Variants in STK39 observed in about 807,000 individuals in gnomAD.
STK39 encodes the protein STE20/SPS1-related proline-alanine-rich protein kinase.
STK39 carries 20 observed loss-of-function variants against 77.8 expected under a neutral mutation model. The ratio of observed to expected loss-of-function variants is 0.26; its 90% CI spans 0.18 to 0.37. STK39 has a LOEUF of 0.37. STK39 is among the 10% of genes least tolerant of loss of function. STK39 has a pLI of 1.00. For synonymous variants in STK39, 246 were observed against 234.1 expected (o/e 1.05, Z -0.47); for missense variants, 479 against 656.5 (o/e 0.73, Z 2.95).
At chr2:168,227,278 T>C (rs1254833553) in intron 1 of STK39, among the ~76,000 whole-genome samples, 1 of 152,218 alleles carries the variant, frequency 6.6e-6, no homozygotes, top group Non-Finnish European at 1.5e-5. Context: ...TGGGAGTTAT[T>C]TTCATCTACT....
chr2:168,189,918 A>G (rs1689297881), intron 1 of STK39, among the ~76,000 whole-genome samples: 1 of 152,198 alleles, frequency 6.6e-6, no homozygotes, highest in Admixed American at 6.5e-5. Context: ...ACCTTCTAAG[A>G]AAAAGATTAC....
intron 1 of STK39, among the ~76,000 whole-genome samples, chr2:168,238,603 G>C (rs1380780232): frequency 6.6e-6 from 1 of 152,144 alleles, no homozygotes; most frequent in Non-Finnish European, 1.5e-5. Flanking sequence ...AGCTAAGCCA[G>C]AGTTTATTCT....
At chr2:168,002,252 A>G (rs1010858729) in intron 16 of STK39, among the ~76,000 whole-genome samples, 1 of 152,234 alleles carries the variant, frequency 6.6e-6, no homozygotes, top group Non-Finnish European at 1.5e-5. Context: ...CAGGGCTTAC[A>G]GTGTGGTTTA....
At chr2:168,012,501 TA>T in intron 16 of STK39, 132 bp downstream of exon 16, 1 of 731,252 alleles carries the variant, frequency 1.4e-6, no homozygotes. Context: ...TACTTCTACA[TA>T]AAAGATAAGA....
intron 1 of STK39, among the ~76,000 whole-genome samples, chr2:168,231,726 T>A (rs1249870102): frequency 6.6e-6 from 1 of 152,044 alleles, no homozygotes; most frequent in Non-Finnish European, 1.5e-5. Context: ...TGTGCCAGAG[T>A]GCTCTGTGAA....
At chr2:167,975,516 T>C (rs1683249540) in intron 16 of STK39, among the ~76,000 whole-genome samples, 1 of 152,146 alleles carries the variant, frequency 6.6e-6, no homozygotes. Flanking sequence ...ATCCAAGTAG[T>C]GCAAAAGGTG....
At chr2:168,034,107 G>T (rs1025552759) in intron 14 of STK39, among the ~76,000 whole-genome samples, 1 of 152,206 alleles carries the variant, frequency 6.6e-6, no homozygotes, top group Non-Finnish European at 1.5e-5. Flanking sequence ...TACAGCAGCT[G>T]CTAACAATGA....
chr2:168,171,005 T>C (rs958446135), intron 2 of STK39, among the ~76,000 whole-genome samples: 2 of 152,308 alleles, frequency 1.3e-5, no homozygotes, highest in Non-Finnish European at 2.9e-5. Flanking sequence ...GCCAAAAATA[T>C]AGTCAAGGAA....
rs1447199904 is a variant in STK39, at chr2:168,153,807, T to C, written c.628+7980A>G. Among the ~76,000 whole-genome samples, 4 of 152,206 alleles carry C rather than the reference T, an allele frequency of 2.6e-5. No homozygotes were observed. In the East Asian group the frequency reaches 5.8e-4, roughly 22 times the overall value. ...AGGCCGATTTGACTGAAGAGGAAGA[T>C]GTAAGAGTTGAAATCAATGACATAA... On this transcript the variant is annotated intron_variant, in intron 5 of 17. Transcript: ENST00000355999.
At chr2:168,086,419 C>T (rs1206131496) in intron 10 of STK39, among the ~76,000 whole-genome samples, 1 of 152,184 alleles carries the variant, frequency 6.6e-6, no homozygotes, top group Non-Finnish European at 1.5e-5. Flanking sequence ...GTGGCAAGAG[C>T]TAAATATTGG....
chr2:168,075,891 T>C (rs1013533215), intron 10 of STK39, among the ~76,000 whole-genome samples: 1 of 152,178 alleles, frequency 6.6e-6, no homozygotes, highest in Non-Finnish European at 1.5e-5. Context: ...TCAGCAGCCA[T>C]GCTAGTGTCT....
intron 5 of STK39, among the ~76,000 whole-genome samples, chr2:168,150,367 G>A (rs573446468): frequency 9.9e-5 from 15 of 152,166 alleles, no homozygotes; most frequent in Non-Finnish European, 1.6e-4. Context: ...CTAACCCAGC[G>A]ATTCTCAACT....
At chr2:168,204,771 T>C (rs904008765) in intron 1 of STK39, among the ~76,000 whole-genome samples, 1 of 152,250 alleles carries the variant, frequency 6.6e-6, no homozygotes, top group Non-Finnish European at 1.5e-5. Context: ...AATGGTTCTT[T>C]TGTGCTATCT....
chr2:168,192,176 C>T (rs1689356149), intron 1 of STK39, among the ~76,000 whole-genome samples: 1 of 152,150 alleles, frequency 6.6e-6, no homozygotes, highest in Admixed American at 6.5e-5. Context: ...CCTCCCACAG[C>T]CTTCCAAAAT....
chr2:168,189,892 G>C (rs898920341), intron 1 of STK39, among the ~76,000 whole-genome samples: 6 of 152,100 alleles, frequency 3.9e-5, no homozygotes, highest in African/African-American at 1.4e-4. Flanking sequence ...TAACCTTTCT[G>C]CCAGTGAAGC....
intron 5 of STK39, among the ~76,000 whole-genome samples, chr2:168,148,447 G>A (rs1431132866): frequency 1.3e-5 from 2 of 152,142 alleles, no homozygotes; most frequent in African/African-American, 4.8e-5. Flanking sequence ...GGAGGCAGAG[G>A]GATAACTTAA....
At chr2:168,050,929 C>T (rs1347742919) in intron 14 of STK39, among the ~76,000 whole-genome samples, 2 of 152,194 alleles carry the variant, frequency 1.3e-5, no homozygotes, top group East Asian at 3.9e-4. Context: ...AGTTTTCTAG[C>T]ACTTCGGGGA....
At chr2:168,188,051 T>A (rs1689252085) in intron 1 of STK39, among the ~76,000 whole-genome samples, 1 of 152,240 alleles carries the variant, frequency 6.6e-6, no homozygotes, top group Non-Finnish European at 1.5e-5. Flanking sequence ...CCTTTGCCAG[T>A]GAACAGAGTC....
intron 1 of STK39, among the ~76,000 whole-genome samples, chr2:168,191,288 C>T (rs13023458): frequency 0.025 from 3,817 of 152,282 alleles, 79 homozygotes; most frequent in Middle Eastern, 0.11. Context: ...TGCATCAGAG[C>T]TTGTGGGCTA....
Sources: gnomAD v4.1 joint callset for allele counts (sites outside exome capture counted in the v4.1 genomes callset) on GRCh38, gnomAD v4.1.1 for gene constraint, MANE v1.5 for transcripts, NCBI Gene and HGNC (gene_info 2026-07-23, HGNC 2026-07-21) for gene names.